Variants in ABCC5 observed in about 807,000 individuals in gnomAD.
ABCC5 encodes ATP-binding cassette sub-family C member 5.
In ABCC5, 61 loss-of-function variants were observed where a neutral mutation model predicts 160.9. The ratio of observed to expected loss-of-function variants is 0.38; its 90% confidence interval spans 0.31 to 0.47. ABCC5 has a LOEUF of 0.47. Ranked by LOEUF, ABCC5 falls within the 20% of genes least tolerant of loss-of-function variation. ABCC5 has a pLI of 0.99. For synonymous variants in ABCC5, 666 were observed against 700.6 expected, an observed-to-expected ratio of 0.95 and a Z score of 0.78; for missense variants, 1,308 against 1,813.3, an observed-to-expected ratio of 0.72 and a Z score of 5.06.
chr3:183,931,005 A>T (rs1205033406), intron 26 of ABCC5, among the ~76,000 whole-genome samples: 1 of 152,222 alleles, frequency 6.6e-6, no homozygotes, highest in Non-Finnish European at 1.5e-5. Context: ...TGAACCGTAT[A>T]AATGCTATGT....
chr3:183,977,999 C>G (rs1184839707), intron 9 of ABCC5, among the ~76,000 whole-genome samples: 1 of 152,112 alleles, frequency 6.6e-6, no homozygotes, highest in Admixed American at 6.5e-5. Flanking sequence ...GTGATCCGCC[C>G]GCCTCGGCCT....
chr3:183,965,607 G>A, intron 12 of ABCC5, 106 bp from the exon 13 acceptor site: 2 of 1,493,424 alleles, frequency 1.3e-6, no homozygotes, highest in Non-Finnish European at 1.8e-6. Context: ...TAATTTCCCG[G>A]GATGCTTTTT....
chr3:183,943,010 T>A, intron 24 of ABCC5, 94 bp from the exon 25 acceptor site: 2 of 1,335,602 alleles, frequency 1.5e-6, no homozygotes, highest in South Asian at 1.4e-5. Context: ...ACAACCATAG[T>A]AGCCACACAG....
intron 24 of ABCC5, 62 bp downstream of exon 24, chr3:183,945,788 G>T: frequency 7.2e-7 from 1 of 1,385,936 alleles, no homozygotes; most frequent in Non-Finnish European, 1.0e-6. Flanking sequence ...AGCTGAGGCA[G>T]CAAAGGGTAA....
At chr3:183,970,930 G>A (rs1337924153) in intron 11 of ABCC5, among the ~76,000 whole-genome samples, 1 of 152,154 alleles carries the variant, frequency 6.6e-6, no homozygotes, top group African/African-American at 2.4e-5. Flanking sequence ...AATGGCTGTT[G>A]AATGAATGAA....
At chr3:183,966,331 C>G (rs963745269) in intron 12 of ABCC5, among the ~76,000 whole-genome samples, 1 of 152,178 alleles carries the variant, frequency 6.6e-6, no homozygotes, top group Non-Finnish European at 1.5e-5. Flanking sequence ...CAGAAGTCCC[C>G]AGGGGGTCTA....
intron 11 of ABCC5, among the ~76,000 whole-genome samples, chr3:183,969,334 G>A (rs1306780869): frequency 6.6e-6 from 1 of 152,184 alleles, no homozygotes; most frequent in Admixed American, 6.5e-5. Context: ...AGAGCTGATA[G>A]CAATGTATTA....
Position 183,997,471 on chromosome 3 carries a change from C to T in ABCC5, c.130-8088G>A, listed in dbSNP as rs548727758. On this transcript the variant is annotated intron_variant, in intron 2 of 29. Transcript: ENST00000334444. ...GTCTGTCTCAACGATTTCTTCTTTC[C>T]TTTAGTTTTCCCTGACTCTTTCAAG... 4.0e-4 allele frequency among the ~76,000 whole-genome samples: 61 copies of T among 152,200 alleles called. No homozygotes were observed. The Middle Eastern group carries it at 0.017, about 42-fold the overall frequency.
chr3:183,946,038 G>A (rs923888629), intron 23 of ABCC5, 99 bp from the exon 24 acceptor site: 8 of 1,094,672 alleles, frequency 7.3e-6, no homozygotes, highest in African/African-American at 3.1e-5. Context: ...ACTAAGAACT[G>A]AGCACATGCA....
Position 183,963,622 on chromosome 3 carries a change from G to A in ABCC5, c.2032-34C>T. Reference sequence around the variant, plus strand: ...GCCCAGAAGTGTGGTGAAGCCTCCAGCGCAAGTCCAGAACAGCGTGGAGGG... The same window carrying A: ...GCCCAGAAGTGTGGTGAAGCCTCCAACGCAAGTCCAGAACAGCGTGGAGGG... On this transcript the variant is annotated intron_variant, in intron 14 of 29. Coordinates refer to ENST00000334444, the MANE Select transcript of ABCC5 (RefSeq NM_005688.4). The surrounding 1 kb of genome is among the most constrained non-coding windows in gnomAD (Gnocchi z 4.6). 1 of 1,609,510 alleles carries A rather than the reference G, an allele frequency of 6.2e-7. No homozygotes were observed. The highest frequency in any genetic ancestry group is 1.1e-5 in the South Asian group (1 of 90,898).
chr3:183,963,387 G>C lies in ABCC5; in HGVS notation c.2233C>G (p.Gln745Glu), dbSNP rs368834369. The C allele has an allele frequency of 6.2e-7, 1 of 1,614,122 alleles. No homozygotes were observed. The highest frequency in any genetic ancestry group is 8.5e-7 in the Non-Finnish European group (1 of 1,180,036). Reference protein sequence around the residue: ...KTVLFVTHQLQYLVDCDEVIF... With the variant: ...KTVLFVTHQLEYLVDCDEVIF... ...GCCGAGGGAAGAAAGAACCATACCT[G>C]TAACTGGTGGGTAACAAACAGAACT... Residue 745 changes from glutamine (Q) to glutamate (E), a missense_variant and splice_region_variant, in exon 15 of 30, where the codon CAG becomes GAG. Gln to Glu is a conservative substitution (Grantham distance 29). Around this residue, in one of 3 missense-constraint regions of ABCC5, gnomAD observed 1,142 missense variants for 1,527.1 expected, o/e 0.75. Transcript: ENST00000334444. This position sits in a 1 kb window ranked among gnomAD's most constrained non-coding sequence, Gnocchi z 4.6.
At chr3:183,939,576 T>C (rs1241955734) in intron 25 of ABCC5, among the ~76,000 whole-genome samples, 2 of 152,258 alleles carry the variant, frequency 1.3e-5, no homozygotes, top group African/African-American at 2.4e-5. Flanking sequence ...ATTTAGTTTA[T>C]GTAAAACTTA....
At chr3:183,933,415 G>A (rs1023595933) in intron 26 of ABCC5, among the ~76,000 whole-genome samples, 3 of 152,116 alleles carry the variant, frequency 2.0e-5, no homozygotes, top group Admixed American at 1.3e-4. Flanking sequence ...CTCCAGCTGC[G>A]GGGGATAGGA....
At chr3:183,935,953 C>T (rs531564726) in intron 26 of ABCC5, among the ~76,000 whole-genome samples, 9 of 152,338 alleles carry the variant, frequency 5.9e-5, no homozygotes, top group Admixed American at 5.2e-4. Context: ...GGTGTTGACA[C>T]TACACAAACA....
rs185249482 is a variant in ABCC5 at position 183,933,795 on chromosome 3, A to G, written c.3854+4106T>C. Among the ~76,000 whole-genome samples the G allele has an allele frequency of 3.4e-3, 520 of 152,236 alleles. 2 individuals are homozygous for G. Among genetic ancestry groups the G allele is most frequent in the African/African-American group, 0.012 (505 of 41,554 alleles). On this transcript the variant is annotated intron_variant, in intron 26 of 29. Coordinates refer to ENST00000334444, the MANE Select transcript of ABCC5 (RefSeq NM_005688.4). ...TGACTTTCTGAGTTTTGTTGGTTTG[A>G]TTTTGGTTTTACCTTGCTTTTCCTC...
At chr3:183,977,300 T>C (rs1718302540) in intron 10 of ABCC5, among the ~76,000 whole-genome samples, 1 of 152,214 alleles carries the variant, frequency 6.6e-6, no homozygotes, top group Non-Finnish European at 1.5e-5. Flanking sequence ...TCATGGCCGT[T>C]CACAAAAGGT....
At chr3:183,948,558 C>G (rs1487004740) in intron 22 of ABCC5, among the ~76,000 whole-genome samples, 2 of 152,078 alleles carry the variant, frequency 1.3e-5, no homozygotes, top group East Asian at 3.8e-4. Flanking sequence ...GCAACATATA[C>G]ACAGAATAGA....
chr3:183,946,994 A>G (rs958143613), intron 23 of ABCC5, among the ~76,000 whole-genome samples: 6 of 152,242 alleles, frequency 3.9e-5, no homozygotes, highest in African/African-American at 1.4e-4. Flanking sequence ...GAAAGAGGCC[A>G]GAGATGAAAT....
intron 15 of ABCC5, 40 bp from the exon 16 acceptor site, chr3:183,961,694 G>A: frequency 6.2e-7 from 1 of 1,610,456 alleles, no homozygotes; most frequent in Non-Finnish European, 8.5e-7. Context: ...TGCTGTTTGT[G>A]CAAATACATT....
Sources: allele counts gnomAD v4.1 joint callset (sites outside exome capture counted in the v4.1 genomes callset), GRCh38; gene constraint gnomAD v4.1.1; regional missense constraint gnomAD v4.1.1; non-coding constraint Gnocchi (gnomAD v3.1); transcripts MANE v1.5; gene names NCBI Gene and HGNC (gene_info 2026-07-23, HGNC 2026-07-21).